TNFRSF21: variants seen among roughly 807,000 people sequenced by gnomAD.
TNFRSF21 encodes TNF receptor superfamily member 21.
TNFRSF21 carries 19 observed loss-of-function variants against 45.6 expected under a neutral mutation model. That is an observed-to-expected ratio of 0.42 (90% CI 0.29 to 0.61). The LOEUF (loss-of-function observed/expected upper bound fraction) is 0.61, where lower values mean the gene tolerates loss of function less well. Among genes scored for constraint, TNFRSF21 ranks in the 20% least tolerant of loss-of-function variants. The probability of loss-of-function intolerance (pLI) is 0.23; values close to 1 mark genes in which losing one functional copy is unlikely to be tolerated. For missense variants in TNFRSF21, 737 were observed against 851.5 expected (o/e 0.87, Z 1.67); for synonymous variants, 314 against 335.5 (o/e 0.94, Z 0.70).
intron 4 of TNFRSF21, among the ~76,000 whole-genome samples, chr6:47,237,883 C>A (rs751138099): frequency 2.0e-5 from 3 of 152,038 alleles, no homozygotes; most frequent in Middle Eastern, 3.2e-3. Context: ...AACCCTGTCT[C>A]CACTAAAAAT....
chr6:47,233,653 A>C lies in TNFRSF21; in HGVS notation c.1739-659T>G, dbSNP rs1007556386. 7.6e-5 allele frequency among the ~76,000 whole-genome samples: 11 copies of C among 143,798 alleles called. No individual in the cohort carries two copies. The East Asian group carries it at 2.2e-3, about 28-fold the overall frequency. 94.3% of individuals were successfully genotyped at this position (143,798 alleles called of 152,430 possible). A position where few individuals can be genotyped will look rare whatever the true frequency, so the allele number is the denominator to read the frequency against. ...TTTTCTAAAATATATTATATAACAT[A>C]AAATATAAACTAAAATATAAATATT... is the stretch of plus-strand genomic sequence containing the variant. On this transcript the variant is annotated intron_variant, in intron 5 of 5. Coordinates refer to ENST00000296861, the MANE Select transcript of TNFRSF21 (RefSeq NM_014452.5).
At chr6:47,253,937 G>T (rs542330851) in intron 3 of TNFRSF21, among the ~76,000 whole-genome samples, 2 of 152,156 alleles carry the variant, frequency 1.3e-5, no homozygotes, top group South Asian at 4.1e-4. Context: ...TACATACTAC[G>T]CATGAATTTC....
chr6:47,264,865 A>G (rs1456248099), intron 3 of TNFRSF21, among the ~76,000 whole-genome samples: 3 of 152,236 alleles, frequency 2.0e-5, no homozygotes, highest in African/African-American at 4.8e-5. Context: ...CTGTCAGCCC[A>G]TAGCTGGAAC....
At chr6:47,263,968 G>A (rs1385559574) in intron 3 of TNFRSF21, among the ~76,000 whole-genome samples, 1 of 152,130 alleles carries the variant, frequency 6.6e-6, no homozygotes, top group African/African-American at 2.4e-5. Flanking sequence ...AGCCTAATAT[G>A]TCCAATTCTA....
chr6:47,270,745 C>A (rs569421366), intron 3 of TNFRSF21, among the ~76,000 whole-genome samples: 1 of 152,052 alleles, frequency 6.6e-6, no homozygotes, highest in Admixed American at 6.6e-5. Flanking sequence ...TTGAACCTAT[C>A]GCAAGGAAGC....
chr6:47,286,065 G>A lies in TNFRSF21; in HGVS notation c.627C>T (p.Asn209=), dbSNP rs768835337. 18 of 1,614,186 alleles carry A rather than the reference G, an allele frequency of 1.1e-5. No individual in the cohort carries two copies. The highest frequency in any genetic ancestry group is 1.6e-4 in the Middle Eastern group (1 of 6,062). Residue 209 remains asparagine, a synonymous_variant, in exon 2 of 6, where the codon AAC becomes AAT. Coordinates refer to ENST00000296861, the MANE Select transcript of TNFRSF21 (RefSeq NM_014452.5). ...AGAAGGACGGGAGTGTGCCACAGAC[G>A]TTGTCTGTCTCCTTGGTCCCCGGCT... ...VIKPGTKETD[N]VCGTLPSFSS...
chr6:47,252,210 G>A (rs1004182104), intron 4 of TNFRSF21, among the ~76,000 whole-genome samples: 2 of 152,196 alleles, frequency 1.3e-5, no homozygotes, highest in Admixed American at 1.3e-4. Flanking sequence ...GATATAGAAT[G>A]ATAGTAAACT....
At chr6:47,286,697 T>A in intron 1 of TNFRSF21, 102 bp from the exon 2 acceptor site, 5 of 1,277,728 alleles carry the variant, frequency 3.9e-6, no homozygotes, top group Non-Finnish European at 4.2e-6. Flanking sequence ...ACCATCATCA[T>A]TCCTGTTAAA....
At position 47,290,274 on chromosome 6, in the gene TNFRSF21, T is replaced by C. The variant is rs1185570891; in HGVS notation, c.97-3679A>G. 3.3e-5 allele frequency among the ~76,000 whole-genome samples: 5 copies of C among 152,266 alleles called. No individual in the cohort carries two copies. The East Asian group carries it at 9.7e-4, about 29-fold the overall frequency. ...GGCGATGAATATCACTCTGATGTGC[T>C]GTGTGATCTAAGTCAGCCTCCCTAC... On this transcript the variant is annotated intron_variant, in intron 1 of 5. Coordinates refer to ENST00000296861, the MANE Select transcript of TNFRSF21 (RefSeq NM_014452.5).
chr6:47,274,660 C>A (rs1204483000), intron 3 of TNFRSF21, among the ~76,000 whole-genome samples: 1 of 152,116 alleles, frequency 6.6e-6, no homozygotes, highest in East Asian at 1.9e-4. Flanking sequence ...AACTAAAGAG[C>A]TTCTGCACAG....
intron 4 of TNFRSF21, among the ~76,000 whole-genome samples, chr6:47,236,627 A>C (rs1455797561): frequency 6.6e-6 from 1 of 152,194 alleles, no homozygotes; most frequent in East Asian, 1.9e-4. Context: ...CTTCCAGGGC[A>C]AGTTTCAGAC....
intron 3 of TNFRSF21, among the ~76,000 whole-genome samples, chr6:47,268,912 C>T (rs142294103): frequency 7.2e-5 from 11 of 152,266 alleles, no homozygotes; most frequent in Non-Finnish European, 1.0e-4. Context: ...TTTTTGCAAT[C>T]GCCTGTGTGT....
chr6:47,290,808 C>T (rs1213325102), intron 1 of TNFRSF21, among the ~76,000 whole-genome samples: 2 of 152,180 alleles, frequency 1.3e-5, no homozygotes, highest in Non-Finnish European at 2.9e-5. Flanking sequence ...AAAAACTAGA[C>T]ACTATGAATT....
In TNFRSF21 at chr6:47,253,349, C is replaced by T. The variant is rs1211028983; in HGVS notation, c.1416G>A (p.Glu472=). The change falls in exon 4 of 6, where the codon GAG becomes GAA. Residue 472 remains glutamate, a synonymous_variant. Transcript: ENST00000296861. The part of the protein sequence containing the change: ...ALQHWTIRGP[E]ASLAQLISAL... ...CGCTAATTAGCTGGGCGAGGCTGGC[C>T]TCGGGGCCCCGGATGGTCCAGTGCT... The T allele has an allele frequency of 2.5e-6, 4 of 1,614,036 alleles. No individual in the cohort carries two copies. Among genetic ancestry groups the T allele is most frequent in the Admixed American group, 1.7e-5 (1 of 60,016 alleles).
chr6:47,233,061 A>G lies in TNFRSF21; in HGVS notation c.1739-67T>C, dbSNP rs571782780. On this transcript the variant is annotated intron_variant, in intron 5 of 5. Transcript: ENST00000296861. ...TGTACTGGCAAGGCCTGGAGGAAGGAGAGCAGGGTCCTAGAGAGAGAGACA... is the reference window on the plus strand; with the variant it reads ...TGTACTGGCAAGGCCTGGAGGAAGGGGAGCAGGGTCCTAGAGAGAGAGACA... 1.1e-5 allele frequency: 16 copies of G among 1,459,966 alleles called. No homozygotes were observed. In the East Asian group the frequency reaches 3.4e-4, roughly 31 times the overall value. 90.4% of individuals were successfully genotyped at this position (1,459,966 alleles called of 1,614,324 possible).
At chr6:47,294,521 C>A (rs1391375138) in intron 1 of TNFRSF21, among the ~76,000 whole-genome samples, 2 of 152,192 alleles carry the variant, frequency 1.3e-5, no homozygotes. Flanking sequence ...ATAAAGCAGT[C>A]TGGCCTTATA....
intron 1 of TNFRSF21, among the ~76,000 whole-genome samples, chr6:47,307,988 C>T (rs111882549): frequency 9.9e-4 from 151 of 152,286 alleles, no homozygotes; most frequent in Middle Eastern, 3.4e-3. Flanking sequence ...TCTCTCCACA[C>T]CAAGACTGTC....
intron 3 of TNFRSF21, among the ~76,000 whole-genome samples, chr6:47,269,226 A>C (rs1003699038): frequency 2.7e-5 from 4 of 150,712 alleles, no homozygotes; most frequent in African/African-American, 9.8e-5. Context: ...CACAGACACA[A>C]ACACACACAC....
chr6:47,254,971 T>A (rs1482240351), intron 3 of TNFRSF21, among the ~76,000 whole-genome samples: 3 of 152,188 alleles, frequency 2.0e-5, no homozygotes, highest in African/African-American at 4.8e-5. Flanking sequence ...CTCACCAGTT[T>A]TGTAATTCAA....
Sources: allele counts gnomAD v4.1 joint callset (sites outside exome capture counted in the v4.1 genomes callset), GRCh38; gene constraint gnomAD v4.1.1; transcripts MANE v1.5; gene names NCBI Gene and HGNC (gene_info 2026-07-23, HGNC 2026-07-21).